The following MORC1 variants were observed in gnomAD, a reference collection of about 807,000 sequenced individuals.
MORC1 encodes the protein MORC family CW-type zinc finger 1, also known as MORC family CW-type zinc finger protein 1.
In MORC1, 59 loss-of-function variants were observed where a neutral mutation model predicts 134.9. That is an observed-to-expected ratio of 0.44 (90% CI 0.35 to 0.54). MORC1 has a LOEUF of 0.54. Among genes scored for constraint, MORC1 ranks in the 20% least tolerant of loss-of-function variants. MORC1 has a pLI of 0.00. For missense variants in MORC1, 947 were observed against 1,134.5 expected, an observed-to-expected ratio of 0.83 and a Z score of 2.37; for synonymous variants, 395 against 391.7, an observed-to-expected ratio of 1.01 and a Z score of -0.10.
intron 8 of MORC1, among the ~76,000 whole-genome samples, chr3:109,073,068 T>A (rs560973546): frequency 1.3e-5 from 2 of 152,186 alleles, no homozygotes; most frequent in African/African-American, 4.8e-5. Flanking sequence ...TAGGAGGGCA[T>A]GGAGTAGAAT....
At chr3:109,043,079 GA>G (rs1299251010) in intron 14 of MORC1, among the ~76,000 whole-genome samples, 1 of 149,374 alleles carries the variant, frequency 6.7e-6, no homozygotes, top group Non-Finnish European at 1.5e-5. Context: ...GCCTTGAAGA[GA>G]AATGTGTATA....
chr3:109,045,935 T>G (rs1295043703), intron 14 of MORC1, among the ~76,000 whole-genome samples: 1 of 152,172 alleles, frequency 6.6e-6, no homozygotes, highest in Non-Finnish European at 1.5e-5. Context: ...TATCACTGGT[T>G]ACCCACCTTC....
At chr3:109,034,899 C>T (rs1949338428) in intron 15 of MORC1, among the ~76,000 whole-genome samples, 1 of 152,088 alleles carries the variant, frequency 6.6e-6, no homozygotes, top group Non-Finnish European at 1.5e-5. Context: ...CAGGTGTGCA[C>T]TATCATGCCT....
chr3:109,057,538 C>T, intron 12 of MORC1, 52 bp from the exon 13 acceptor site: 1 of 1,462,836 alleles, frequency 6.8e-7, no homozygotes, highest in East Asian at 2.4e-5. Flanking sequence ...TAAACATACA[C>T]AGTTTAGGAA....
At chr3:109,021,608 A>G (rs1435703050) in intron 17 of MORC1, among the ~76,000 whole-genome samples, 1 of 152,202 alleles carries the variant, frequency 6.6e-6, no homozygotes, top group Non-Finnish European at 1.5e-5. Flanking sequence ...CCCCATGGCA[A>G]AATAAAGTTG....
chr3:109,089,023 T>C (rs1024703573), intron 8 of MORC1, among the ~76,000 whole-genome samples: 1 of 152,060 alleles, frequency 6.6e-6, no homozygotes, highest in Non-Finnish European at 1.5e-5. Flanking sequence ...TGAGAACACA[T>C]GGACACACTG....
chr3:109,093,357 G>A (rs1950766087), intron 8 of MORC1, 79 bp downstream of exon 8: 1 of 1,080,294 alleles, frequency 9.3e-7, no homozygotes, highest in African/African-American at 1.6e-5. Context: ...AGTGACCTCA[G>A]ACCTGGAGCC....
At chr3:109,020,764 C>CAAAAAAAAAAA (rs66700715) in intron 17 of MORC1, among the ~76,000 whole-genome samples, 3 of 78,426 alleles carry the variant, frequency 3.8e-5, no homozygotes, top group African/African-American at 5.1e-5. Flanking sequence ...GACTCTGTCT[C>CAAAAAAAAAAA]AAAAAAAAAA....
chr3:109,004,704 T>A, intron 20 of MORC1, 113 bp downstream of exon 20: 1 of 998,838 alleles, frequency 1.0e-6, no homozygotes, highest in Non-Finnish European at 1.5e-6. Context: ...ACAATATGTA[T>A]GATTTAGTTA....
rs753907359 is a variant in MORC1, at chr3:109,054,774, T to C, written c.1284A>G (p.Lys428=). Residue 428 remains lysine, a synonymous_variant, in exon 14 of 28, where the codon AAA becomes AAG. Transcript: ENST00000232603. ...LNVQEYNHLL[K]VMGQYLVQYC... ...ACTGGACCAAGTACTGTCCCATGAC[T>C]TTTAGTAGATGATTATACTCTTGGA... is the stretch of plus-strand genomic sequence containing the variant. 1.7e-5 allele frequency: 28 copies of C among 1,601,528 alleles called. No homozygotes were observed. The South Asian group carries it at 3.1e-4, about 17-fold the overall frequency.
At chr3:108,983,502 G>A (rs1559871115) in intron 23 of MORC1, among the ~76,000 whole-genome samples, 2 of 152,150 alleles carry the variant, frequency 1.3e-5, no homozygotes, top group Admixed American at 6.6e-5. Flanking sequence ...ACTTTAGATG[G>A]AGTTGTCAGA....
At chr3:109,093,847 T>G (rs1487325594) in intron 7 of MORC1, among the ~76,000 whole-genome samples, 1 of 152,238 alleles carries the variant, frequency 6.6e-6, no homozygotes, top group African/African-American at 2.4e-5. Flanking sequence ...ATGAAATTTG[T>G]TAAGAGCCTG....
chr3:109,020,622 C>T (rs1168030396), intron 17 of MORC1, among the ~76,000 whole-genome samples: 4 of 151,760 alleles, frequency 2.6e-5, no homozygotes, highest in East Asian at 1.9e-4. Flanking sequence ...AAAAATTAGC[C>T]GGGTGTGGTG....
intron 9 of MORC1, among the ~76,000 whole-genome samples, chr3:109,066,003 G>T (rs1950187608): frequency 6.6e-6 from 1 of 152,064 alleles, no homozygotes; most frequent in South Asian, 2.1e-4. Context: ...AACAGACACT[G>T]GGGAATACAA....
chr3:108,978,798 C>T (rs541105235), intron 24 of MORC1, among the ~76,000 whole-genome samples: 1 of 152,184 alleles, frequency 6.6e-6, no homozygotes, highest in South Asian at 2.1e-4. Context: ...TTTCCCTGGC[C>T]CGAGCATCTC....
chr3:108,983,013 C>A, intron 23 of MORC1, among the ~76,000 whole-genome samples: 1 of 148,264 alleles, frequency 6.7e-6, no homozygotes, highest in East Asian at 2.0e-4. Context: ...ATTTACAAGT[C>A]AACAGTGATT....
intron 8 of MORC1, among the ~76,000 whole-genome samples, chr3:109,070,554 C>T (rs1294428184): frequency 1.3e-5 from 2 of 152,036 alleles, no homozygotes; most frequent in African/African-American, 2.4e-5. Context: ...GCTGAAGAAG[C>T]GATGCTCTTT....
chr3:109,063,125 T>C (rs1467912023), intron 10 of MORC1, 27 bp downstream of exon 10: 2 of 1,498,532 alleles, frequency 1.3e-6, no homozygotes, highest in Non-Finnish European at 9.2e-7. Context: ...TGAACAACAA[T>C]GATGTAGGCT....
intron 9 of MORC1, among the ~76,000 whole-genome samples, chr3:109,064,836 T>C (rs1950160953): frequency 1.3e-5 from 2 of 152,184 alleles, no homozygotes; most frequent in South Asian, 4.1e-4. Context: ...GGACGTTGAA[T>C]AGACCTCCCA....
Sources: allele counts gnomAD v4.1 joint callset (sites outside exome capture counted in the v4.1 genomes callset), GRCh38; gene constraint gnomAD v4.1.1; transcripts MANE v1.5; gene names NCBI Gene and HGNC (gene_info 2026-07-23, HGNC 2026-07-21).